The following IGSF10 variants were observed in gnomAD, a reference collection of about 807,000 sequenced individuals.
IGSF10 encodes the protein calvaria mechanical force protein 608.
IGSF10 carries 126 observed loss-of-function variants against 128.2 expected under a neutral mutation model. The ratio of observed to expected loss-of-function variants is 0.98; its 90% confidence interval spans 0.85 to 1.14. The LOEUF (loss-of-function observed/expected upper bound fraction) is 1.14. Ranked by LOEUF, IGSF10 falls within the 50% of genes most tolerant of loss-of-function variation. IGSF10 has a pLI of 0.00. For synonymous variants in IGSF10, 1,185 were observed against 1,146.2 expected (o/e 1.03, Z -0.68); for missense variants, 3,295 against 3,149.8 (o/e 1.05, Z -1.10).
At chr3:151,540,678 G>T in the IGSF10 span, among the ~76,000 whole-genome samples, 1 of 152,046 alleles carries the variant, frequency 6.6e-6, no homozygotes, top group African/African-American at 2.4e-5. Context: ...TGGGTCAGAG[G>T]GTATGTATTT....
chr3:151,579,609 A>G, the IGSF10 span, among the ~76,000 whole-genome samples: 3 of 152,000 alleles, frequency 2.0e-5, no homozygotes, highest in Non-Finnish European at 4.4e-5. Context: ...AAAGAAAAAA[A>G]AAACTGCCAG....
chr3:151,545,931 A>C, the IGSF10 span, among the ~76,000 whole-genome samples: 1 of 152,034 alleles, frequency 6.6e-6, no homozygotes, highest in East Asian at 1.9e-4. Flanking sequence ...ACTGCTCCCT[A>C]TCCAAATGTT....
At chr3:151,575,804 G>A in the IGSF10 span, among the ~76,000 whole-genome samples, 29 of 152,158 alleles carry the variant, frequency 1.9e-4, no homozygotes, top group South Asian at 4.1e-4. Context: ...CATCTTCTGC[G>A]TTGATCACAC....
the IGSF10 span, among the ~76,000 whole-genome samples, chr3:151,512,314 A>G: frequency 1.3e-5 from 2 of 152,220 alleles, no homozygotes; most frequent in African/African-American, 4.8e-5. Context: ...AAACTCACTC[A>G]AAACCGCTCA....
chr3:151,569,625 C>A, the IGSF10 span, among the ~76,000 whole-genome samples: 1 of 152,122 alleles, frequency 6.6e-6, no homozygotes, highest in Non-Finnish European at 1.5e-5. Flanking sequence ...CCACAAAGTC[C>A]TGCCCTGGTT....
chr3:151,549,207 T>C, the IGSF10 span, among the ~76,000 whole-genome samples: 6 of 152,312 alleles, frequency 3.9e-5, no homozygotes, highest in African/African-American at 1.4e-4. Flanking sequence ...CTTGATATTC[T>C]GTCTGGGCCA....
At chr3:151,460,881 A>G in intron 1 of IGSF10, 65 bp downstream of exon 1, 5 of 973,220 alleles carry the variant, frequency 5.1e-6, no homozygotes, top group Non-Finnish European at 6.1e-6. Context: ...CTCCATTCCC[A>G]CGCCAAGCCC....
intron 7 of IGSF10, chr3:151,440,502 GTTGTTTAATC>G (rs1168080517): frequency 1.5e-5 from 7 of 455,938 alleles, no homozygotes; most frequent in Non-Finnish European, 3.1e-5. Context: ...CTTTGCACTG[GTTGTTTAATC>G]TTGAAGTAAT....
chr3:151,600,470 A>G, the IGSF10 span, among the ~76,000 whole-genome samples: 3 of 152,192 alleles, frequency 2.0e-5, no homozygotes, highest in East Asian at 1.9e-4. Flanking sequence ...GTCAATTAAT[A>G]TGATTTGCAG....
the IGSF10 span, among the ~76,000 whole-genome samples, chr3:151,617,319 C>CTT: frequency 0.43 from 45,390 of 106,692 alleles, 12,154 homozygotes; most frequent in East Asian, 0.54. Context: ...TCTTCTTCTT[C>CTT]CCCTCCTCCT....
At position 151,443,023 on chromosome 3, in the gene IGSF10, C is replaced by A; in HGVS notation, c.5924G>T (p.Trp1975Leu). 6.2e-7 allele frequency: 1 copy of A among 1,614,160 alleles called. No individual in the cohort carries two copies. Among genetic ancestry groups the A allele is most frequent in the African/African-American group, 1.3e-5 (1 of 75,042 alleles). The change falls in exon 7 of 8, where the codon TGG (tryptophan) becomes TTG (leucine). Residue 1975 changes from tryptophan (W) to leucine (L), a missense_variant. Trp to Leu is a moderately conservative substitution (Grantham distance 61). Coordinates refer to ENST00000282466, the MANE Select transcript of IGSF10 (RefSeq NM_178822.5). ...ATGEPKPQIM[W>L]RLPSKAVVDQ... The stretch of plus-strand genomic sequence containing the variant: ...GACCACAGCCTTGGATGGTAACCTC[C>A]ACATTATTTGGGGTTTGGGCTCCCC...
the IGSF10 span, among the ~76,000 whole-genome samples, chr3:151,564,034 G>A: frequency 1.3e-5 from 2 of 152,138 alleles, no homozygotes; most frequent in Admixed American, 6.6e-5. Context: ...CAGCATTTAT[G>A]TTCCTAAACA....
At chr3:151,573,158 C>G in the IGSF10 span, among the ~76,000 whole-genome samples, 2 of 152,072 alleles carry the variant, frequency 1.3e-5, no homozygotes, top group Admixed American at 1.3e-4. Context: ...ACTATGTGGT[C>G]AATTTTGCAA....
the IGSF10 span, among the ~76,000 whole-genome samples, chr3:151,513,969 A>G: frequency 1.3e-5 from 2 of 152,238 alleles, no homozygotes; most frequent in Non-Finnish European, 2.9e-5. Context: ...AGGAAATAAA[A>G]GAGGATACAA....
chr3:151,434,793 AGAAT>A (rs1158083475), downstream of IGSF10: 1 of 152,254 alleles, frequency 6.6e-6, no homozygotes, highest in Non-Finnish European at 1.5e-5. Flanking sequence ...TACTGTTTTA[AGAAT>A]GAGTGTTATA....
chr3:151,508,524 C>CA, the IGSF10 span, among the ~76,000 whole-genome samples: 3 of 152,064 alleles, frequency 2.0e-5, no homozygotes, highest in Non-Finnish European at 4.4e-5. Context: ...AACTGAGTCT[C>CA]CTTTATCAAA....
At chr3:151,569,521 T>C in the IGSF10 span, among the ~76,000 whole-genome samples, 3 of 152,142 alleles carry the variant, frequency 2.0e-5, no homozygotes, top group Non-Finnish European at 4.4e-5. Flanking sequence ...TGCTAAGTGC[T>C]GAGATAATCT....
intron 4 of IGSF10, among the ~76,000 whole-genome samples, chr3:151,456,355 T>C (rs1721791853): frequency 6.6e-6 from 1 of 152,254 alleles, no homozygotes; most frequent in Non-Finnish European, 1.5e-5. Context: ...AAGACATTTC[T>C]TTCTGATTTA....
chr3:151,554,015 G>C, the IGSF10 span, among the ~76,000 whole-genome samples: 2 of 151,710 alleles, frequency 1.3e-5, no homozygotes, highest in South Asian at 2.1e-4. Flanking sequence ...ACACAGTGGC[G>C]TACTCCTGTA....
Sources: gnomAD v4.1 joint callset for allele counts (sites outside exome capture counted in the v4.1 genomes callset) on GRCh38, gnomAD v4.1.1 for gene constraint, MANE v1.5 for transcripts, NCBI Gene and HGNC (gene_info 2026-07-23, HGNC 2026-07-21) for gene names.